NDRG4: variants seen among roughly 807,000 people sequenced by gnomAD.
The protein encoded by NDRG4 is protein NDRG4.
NDRG4 carries 38 observed loss-of-function variants against 55.8 expected under a neutral mutation model. That is an observed-to-expected ratio of 0.68 (90% CI 0.53 to 0.89). The LOEUF (loss-of-function observed/expected upper bound fraction) is 0.89, where lower values mean the gene tolerates loss of function less well. Ranked by LOEUF, NDRG4 falls within the 40% of genes least tolerant of loss-of-function variation. The probability of loss-of-function intolerance (pLI) is 0.00; values close to 1 mark genes in which losing one functional copy is unlikely to be tolerated. For synonymous variants in NDRG4, 190 were observed against 182.7 expected (o/e 1.04, Z -0.32); for missense variants, 455 against 468.6 (o/e 0.97, Z 0.27).
Position 58,509,218 on chromosome 16 carries a change from A to G in NDRG4, c.813+29A>G, listed in dbSNP as rs760547310. The G allele has an allele frequency of 1.1e-5, 17 of 1,613,772 alleles. No individual in the cohort carries two copies. In the East Asian group the frequency reaches 3.8e-4, roughly 36 times the overall value. On this transcript the variant is annotated intron_variant, in intron 12 of 14. Transcript: ENST00000570248. ...AGACTTTTGGCCCTCCTGCCCTTAC[A>G]TCTATGGGGAGGGGGAAGCCTCTAC...
At chr16:58,510,919 A>C (rs1236349275) in intron 14 of NDRG4, 5 of 586,012 alleles carry the variant, frequency 8.5e-6, no homozygotes, top group Middle Eastern at 4.5e-4. Context: ...TGGCTTCCAG[A>C]GCTCTGGGGA....
At chr16:58,508,900 G>A in intron 10 of NDRG4, 62 bp from the exon 11 acceptor site, 1 of 1,590,330 alleles carries the variant, frequency 6.3e-7, no homozygotes, top group Non-Finnish European at 8.6e-7. Context: ...CATCAAACCT[G>A]CCTTGGCAAT....
Position 58,504,250 on chromosome 16 carries a change from T to G in NDRG4, c.224T>G (p.Val75Gly), listed in dbSNP as rs1213805806. 2 of 1,613,912 alleles carry G rather than the reference T, an allele frequency of 1.2e-6. No individual in the cohort carries two copies. Among genetic ancestry groups the G allele is most frequent in the Non-Finnish European group, 1.7e-6 (2 of 1,180,004 alleles). ...VCHVDAPGQQVGASQFPQGYQ... is the reference protein window; with the variant it reads ...VCHVDAPGQQGGASQFPQGYQ... ...CACGTGGATGCCCCTGGACAACAGG[T>G]GGGGGCGTCGCAGTTTCCTCAGGGG... Residue 75 changes from valine to glycine, a missense_variant, in exon 3 of 15, where the codon GTG becomes GGG. Transcript: ENST00000570248.
At chr16:58,501,156 C>G in intron 1 of NDRG4, 2 of 1,007,524 alleles carry the variant, frequency 2.0e-6, no homozygotes, top group Non-Finnish European at 2.6e-6. Flanking sequence ...CACGCCTGCC[C>G]TGCCGGTTCC....
rs895031691 is a variant in NDRG4, at chr16:58,504,349, C to T, written c.249-10C>T. The T allele has an allele frequency of 6.2e-7, 1 of 1,613,808 alleles. No individual in the cohort carries two copies. Among genetic ancestry groups the T allele is most frequent in the South Asian group, 1.1e-5 (1 of 91,084 alleles). On this transcript the variant is annotated splice_polypyrimidine_tract_variant and intron_variant, in intron 3 of 14. Transcript: ENST00000570248. ...CACACCTGGGCCCTGACCTCCTGCT[C>T]TGCCTGCAGGTACCAGTTCCCCTCC...
At chr16:58,486,919 T>C (rs2035160587) in intron 1 of NDRG4, among the ~76,000 whole-genome samples, 1 of 152,030 alleles carries the variant, frequency 6.6e-6, no homozygotes, top group Non-Finnish European at 1.5e-5. Context: ...TCACTCGGCC[T>C]GCCACACCAC....
chr16:58,475,284 G>T (rs1327365287), intron 1 of NDRG4, among the ~76,000 whole-genome samples: 1 of 152,196 alleles, frequency 6.6e-6, no homozygotes, highest in Non-Finnish European at 1.5e-5. Flanking sequence ...TTTAATGTAG[G>T]TCATGGTTAC....
At chr16:58,510,098 T>C (rs925163563) in intron 13 of NDRG4, among the ~76,000 whole-genome samples, 3 of 152,164 alleles carry the variant, frequency 2.0e-5, no homozygotes, top group African/African-American at 7.2e-5. Flanking sequence ...CCTCTGGAGC[T>C]ATCTCCAGGG....
chr16:58,506,716 C>T, intron 7 of NDRG4, 102 bp downstream of exon 7: 1 of 1,356,078 alleles, frequency 7.4e-7, no homozygotes, highest in South Asian at 1.3e-5. Flanking sequence ...TGACCTGGCT[C>T]ACTCCAGATG....
At chr16:58,476,563 A>G (rs1199875462) in intron 1 of NDRG4, among the ~76,000 whole-genome samples, 2 of 152,070 alleles carry the variant, frequency 1.3e-5, no homozygotes, top group Non-Finnish European at 1.5e-5. Flanking sequence ...GGGATGCATC[A>G]TACAGTCTCT....
chr16:58,492,047 G>A (rs1367984345), intron 2 of NDRG4, among the ~76,000 whole-genome samples: 1 of 152,190 alleles, frequency 6.6e-6, no homozygotes, highest in Non-Finnish European at 1.5e-5. Flanking sequence ...CTCCCAAGTA[G>A]CTGGGATTAC....
intron 1 of NDRG4, among the ~76,000 whole-genome samples, chr16:58,482,671 CCCTTCCTTCCTCCCTCCCTT>C (rs1282415638): frequency 1.5e-4 from 20 of 134,142 alleles, no homozygotes; most frequent in African/African-American, 2.5e-4. Context: ...TTCCATCCCT[CCCTTCCTTCCTCCCTCCCTT>C]CCTTCCTCCC....
chr16:58,492,648 C>T (rs1005944811), intron 2 of NDRG4, among the ~76,000 whole-genome samples: 1 of 151,962 alleles, frequency 6.6e-6, no homozygotes, highest in African/African-American at 2.4e-5. Flanking sequence ...CTCAAGTGAT[C>T]CTCTTGCCTC....
chr16:58,507,316 T>G, intron 8 of NDRG4: 1 of 440,270 alleles, frequency 2.3e-6, no homozygotes, highest in East Asian at 3.9e-5. Context: ...GCCTTGATGT[T>G]GACGTCTGCA....
At chr16:58,487,875 G>T in intron 2 of NDRG4, 2 of 1,488,250 alleles carry the variant, frequency 1.3e-6, no homozygotes, top group Non-Finnish European at 9.0e-7. Flanking sequence ...CGCCTTTGAG[G>T]TCTTAGGGCC....
At chr16:58,465,340 G>A in intron 1 of NDRG4, 1 of 389,900 alleles carries the variant, frequency 2.6e-6, no homozygotes, top group Non-Finnish European at 5.2e-6. Flanking sequence ...AAGGCTGGAA[G>A]GGGCAGCCGT....
chr16:58,487,381 G>A (rs1438071809), intron 1 of NDRG4, among the ~76,000 whole-genome samples: 1 of 152,102 alleles, frequency 6.6e-6, no homozygotes, highest in Admixed American at 6.6e-5. Context: ...AATTAGCAAG[G>A]TGGTGGTGTG....
intron 1 of NDRG4, chr16:58,501,976 C>T (rs992423038): frequency 2.2e-6 from 1 of 455,778 alleles, no homozygotes; most frequent in Non-Finnish European, 4.4e-6. Flanking sequence ...TTTGCAGCCC[C>T]ACCCTCCAGA....
chr16:58,473,077 G>C (rs774222009), intron 1 of NDRG4, among the ~76,000 whole-genome samples: 1 of 152,134 alleles, frequency 6.6e-6, no homozygotes, highest in African/African-American at 2.4e-5. Context: ...CCAAGGTTCT[G>C]AAGTACAAAT....
Sources: allele counts gnomAD v4.1 joint callset (sites outside exome capture counted in the v4.1 genomes callset), GRCh38; gene constraint gnomAD v4.1.1; transcripts MANE v1.5; gene names NCBI Gene and HGNC (gene_info 2026-07-23, HGNC 2026-07-21).